The following LRP1B variants were observed in gnomAD, a reference collection of about 807,000 sequenced individuals.
LRP1B encodes the protein LDL receptor related protein 1B.
In LRP1B, 217 loss-of-function variants were observed where a neutral mutation model predicts 556.6. That is an observed-to-expected ratio of 0.39 (90% CI 0.35 to 0.44). The LOEUF (loss-of-function observed/expected upper bound fraction) is 0.44. Among genes scored for constraint, LRP1B ranks in the 20% least tolerant of loss-of-function variants. The pLI, the probability that LRP1B is intolerant of heterozygous loss-of-function variation, is 1.00. For synonymous variants in LRP1B, 2,047 were observed against 1,865.8 expected (o/e 1.10, Z -2.50); for missense variants, 5,053 against 5,620.8 (o/e 0.90, Z 3.23).
At chr2:140,534,767 T>C (rs1690874718) in intron 46 of LRP1B, among the ~76,000 whole-genome samples, 1 of 152,186 alleles carries the variant, frequency 6.6e-6, no homozygotes, top group Admixed American at 6.5e-5. Context: ...ACGTATTAAA[T>C]GCCAGCTTTG....
intron 77 of LRP1B, among the ~76,000 whole-genome samples, chr2:140,348,912 T>G (rs922871420): frequency 3.9e-5 from 6 of 152,114 alleles, no homozygotes; most frequent in Admixed American, 6.6e-5. Flanking sequence ...ACCAGTTTCA[T>G]GGAAGACAAT....
chr2:141,991,649 G>A (rs1020111799), intron 1 of LRP1B, among the ~76,000 whole-genome samples: 3 of 151,964 alleles, frequency 2.0e-5, no homozygotes, highest in South Asian at 2.1e-4. Flanking sequence ...TAAATATTCC[G>A]CTCCTCTTTT....
rs111743110 is a variant in LRP1B, at chr2:141,319,083, T to C, written c.344-64442A>G. 9.4e-3 allele frequency among the ~76,000 whole-genome samples: 1,430 copies of C among 152,192 alleles called. 25 individuals carry two copies. The highest frequency in any genetic ancestry group is 0.03 in the African/African-American group (1,252 of 41,550). ...GCTTTATGCCTTCCCCTAGATCAAA[T>C]AATATTGGCACATATTTCAACAGAA... On this transcript the variant is annotated intron_variant, in intron 3 of 90. Transcript: ENST00000389484.
At position 141,996,704 on chromosome 2, in the gene LRP1B, T is replaced by G. The variant is rs890864002; in HGVS notation, c.82+133944A>C. The stretch of plus-strand genomic sequence containing the variant: ...TTTTAAAATATTTCCTGTATTTAAA[T>G]TTTTTCTTTCCCCCCCCCTACAAAC... On this transcript the variant is annotated intron_variant, in intron 1 of 90. Coordinates refer to ENST00000389484, the MANE Select transcript of LRP1B (RefSeq NM_018557.3). Among the ~76,000 whole-genome samples the G allele has an allele frequency of 4.1e-5, 4 of 97,602 alleles. No individual in the cohort carries two copies. In the East Asian group the frequency reaches 1.2e-3, roughly 29 times the overall value. The allele number at this position is 97,602 out of a possible 152,430, so 64.0% of individuals were successfully genotyped here. A position where few individuals can be genotyped will look rare whatever the true frequency, so the allele number is the denominator to read the frequency against.
At chr2:142,114,339 T>C (rs13401617) in intron 1 of LRP1B, among the ~76,000 whole-genome samples, 26,781 of 152,070 alleles carry the variant, frequency 0.18, 2,570 homozygotes, top group African/African-American at 0.24. Flanking sequence ...AGAATTTTAG[T>C]CAGCATATAA....
intron 3 of LRP1B, among the ~76,000 whole-genome samples, chr2:141,436,679 T>A (rs1375180489): frequency 6.6e-6 from 1 of 152,154 alleles, no homozygotes; most frequent in African/African-American, 2.4e-5. Flanking sequence ...ATTCTGAACC[T>A]ACCTTGAAAA....
intron 60 of LRP1B, among the ~76,000 whole-genome samples, chr2:140,463,979 T>A (rs1558899997): frequency 2.0e-5 from 3 of 152,022 alleles, no homozygotes. Context: ...GCAGATCACC[T>A]GAGGTCAGGA....
chr2:141,715,209 T>G (rs1692533470), intron 2 of LRP1B, among the ~76,000 whole-genome samples: 1 of 152,166 alleles, frequency 6.6e-6, no homozygotes, highest in South Asian at 2.1e-4. Context: ...GACTCATACC[T>G]GTAATCCCAG....
chr2:142,065,613 T>C (rs56141936), intron 1 of LRP1B, among the ~76,000 whole-genome samples: 9,001 of 151,396 alleles, frequency 0.059, 625 homozygotes, highest in African/African-American at 0.17. Flanking sequence ...CCCTTTGTCA[T>C]GTAGCAAAAT....
In LRP1B at chr2:140,350,883, T is replaced by A. The variant is rs2105115892; in HGVS notation, c.11806A>T (p.Ile3936Phe). ...CCTGGATTAAACTGAGTACTCCAAATAATCATATCTCTTTGATAATATACA... is the reference window on the plus strand; with the variant it reads ...CCTGGATTAAACTGAGTACTCCAAAAAATCATATCTCTTTGATAATATACA... The part of the protein sequence containing the change: ...MDVYYQRDMI[I>F]WSTQFNPGGI... The change falls in exon 77 of 91, where the codon ATT (isoleucine) becomes TTT (phenylalanine). Residue 3936 changes from isoleucine (I) to phenylalanine (F), a missense_variant. By Grantham distance (21) the Ile-to-Phe change is conservative. This residue lies in a region of LRP1B where 599 missense variants were observed against 648.4 expected (regional missense o/e 0.92). Coordinates refer to ENST00000389484, the MANE Select transcript of LRP1B (RefSeq NM_018557.3). 6.2e-7 allele frequency: 1 copy of A among 1,610,102 alleles called. No individual in the cohort carries two copies.
At chr2:141,739,216 CCT>C (rs1300415988) in intron 2 of LRP1B, among the ~76,000 whole-genome samples, 1 of 152,010 alleles carries the variant, frequency 6.6e-6, no homozygotes, top group East Asian at 1.9e-4. Flanking sequence ...ATTCTGTTAT[CCT>C]CTTTTTCTTT....
chr2:141,234,416 A>G (rs1438257700), intron 5 of LRP1B, among the ~76,000 whole-genome samples: 1 of 152,040 alleles, frequency 6.6e-6, no homozygotes, highest in Non-Finnish European at 1.5e-5. Flanking sequence ...TTGCTCTGTC[A>G]TACAGGCTAG....
intron 3 of LRP1B, among the ~76,000 whole-genome samples, chr2:141,465,349 GA>G (rs529198640): frequency 0.013 from 1,899 of 150,100 alleles, 34 homozygotes; most frequent in African/African-American, 0.042. Flanking sequence ...GGAAAAAATG[GA>G]AAAAAAAATA....
chr2:141,189,937 A>AAAGAAAGAAAGAACAGG (rs1681432113), intron 6 of LRP1B, among the ~76,000 whole-genome samples: 1 of 150,314 alleles, frequency 6.7e-6, no homozygotes, highest in Non-Finnish European at 1.5e-5. Flanking sequence ...CCTTTAGAAG[A>AAAGAAAGAAAGAACAGG]AAGAAAGAAA....
chr2:141,689,000 C>T (rs1016482470), intron 2 of LRP1B, among the ~76,000 whole-genome samples: 21 of 151,760 alleles, frequency 1.4e-4, no homozygotes, highest in Non-Finnish European at 1.5e-5. Context: ...AATAAAATGA[C>T]AAAAATCAGA....
intron 25 of LRP1B, among the ~76,000 whole-genome samples, chr2:140,869,374 A>C (rs1195641669): frequency 6.6e-6 from 1 of 152,096 alleles, no homozygotes; most frequent in African/African-American, 2.4e-5. Context: ...GCAGGAGGAA[A>C]AGAGCTGTAA....
intron 7 of LRP1B, among the ~76,000 whole-genome samples, chr2:141,080,942 AC>A (rs1235260709): frequency 2.0e-5 from 3 of 152,028 alleles, no homozygotes; most frequent in Non-Finnish European, 4.4e-5. Context: ...TAGGCTGCCC[AC>A]CCCTTAGTCC....
chr2:141,763,751 AT>A lies in LRP1B; in HGVS notation c.205+46527del, dbSNP rs1458243201. Among the ~76,000 whole-genome samples, 3 of 152,330 alleles carry A rather than the reference AT, an allele frequency of 2.0e-5. No individual in the cohort carries two copies. In the East Asian group the frequency reaches 5.8e-4, roughly 29 times the overall value. ...GATGTTCATTACAACACCAAATATA[AT>A]TGCAAAAGTAACATTTTAAAAGCCA... is the stretch of plus-strand genomic sequence containing the variant. On this transcript the variant is annotated intron_variant, in intron 2 of 90. Coordinates refer to ENST00000389484, the MANE Select transcript of LRP1B (RefSeq NM_018557.3).
chr2:141,817,333 T>C (rs1558896010), intron 1 of LRP1B, among the ~76,000 whole-genome samples: 1 of 152,130 alleles, frequency 6.6e-6, no homozygotes, highest in Non-Finnish European at 1.5e-5. Flanking sequence ...TATATCTTTT[T>C]ATAATAATAG....
Sources: gnomAD v4.1 joint callset for allele counts (sites outside exome capture counted in the v4.1 genomes callset) on GRCh38, gnomAD v4.1.1 for gene constraint, gnomAD v4.1.1 regional missense constraint, MANE v1.5 for transcripts, NCBI Gene and HGNC (gene_info 2026-07-23, HGNC 2026-07-21) for gene names.